Variants in EPB41L4A observed in about 807,000 individuals in gnomAD.
The protein encoded by EPB41L4A is erythrocyte membrane protein band 4.1 like 4A, also known as band 4.1-like protein 4A.
Under a neutral mutation model 108.6 loss-of-function variants are expected in EPB41L4A, and 100 were observed. The ratio of observed to expected loss-of-function variants is 0.92; its 90% CI spans 0.78 to 1.09. The LOEUF (loss-of-function observed/expected upper bound fraction) is 1.09. Among genes scored for constraint, EPB41L4A ranks in the 50% least tolerant of loss-of-function variants. EPB41L4A has a pLI of 0.00. For missense variants in EPB41L4A, 1,030 were observed against 842.7 expected (o/e 1.22, Z -2.75); for synonymous variants, 319 against 289.0 (o/e 1.10, Z -1.05).
intron 1 of EPB41L4A, among the ~76,000 whole-genome samples, chr5:112,395,724 G>A (rs543903803): frequency 5.3e-5 from 8 of 152,172 alleles, no homozygotes; most frequent in Non-Finnish European, 1.0e-4. Context: ...AATACCATTT[G>A]ACCCAGTGAT....
At chr5:112,225,035 G>T (rs1027365359) in intron 12 of EPB41L4A, among the ~76,000 whole-genome samples, 2 of 152,336 alleles carry the variant, frequency 1.3e-5, no homozygotes, top group Non-Finnish European at 2.9e-5. Context: ...CCGGATAGAT[G>T]TGAGAGCTAT....
At chr5:112,372,907 G>C (rs1759582637) in intron 1 of EPB41L4A, among the ~76,000 whole-genome samples, 1 of 152,192 alleles carries the variant, frequency 6.6e-6, no homozygotes, top group Non-Finnish European at 1.5e-5. Flanking sequence ...GGGGTAGACA[G>C]ATATTTTGAA....
At chr5:112,386,387 T>G (rs1216911665) in intron 1 of EPB41L4A, among the ~76,000 whole-genome samples, 1 of 152,244 alleles carries the variant, frequency 6.6e-6, no homozygotes, top group Non-Finnish European at 1.5e-5. Context: ...AAATTAATAA[T>G]GTTGATTTCC....
chr5:112,339,581 TG>T (rs1167003260), intron 1 of EPB41L4A, among the ~76,000 whole-genome samples: 2 of 149,864 alleles, frequency 1.3e-5, no homozygotes, highest in Non-Finnish European at 3.0e-5. Context: ...TTGCCCAGGC[TG>T]GAGTACAGTG....
chr5:112,409,013 A>G (rs538789338), intron 1 of EPB41L4A, among the ~76,000 whole-genome samples: 3 of 152,308 alleles, frequency 2.0e-5, no homozygotes, highest in Non-Finnish European at 2.9e-5. Flanking sequence ...ACATACATCT[A>G]TACAAAAACT....
At chr5:112,312,289 A>T (rs991792895) in intron 1 of EPB41L4A, among the ~76,000 whole-genome samples, 2 of 152,200 alleles carry the variant, frequency 1.3e-5, no homozygotes, top group African/African-American at 4.8e-5. Flanking sequence ...TCATTCCCAA[A>T]CTACCAGAAC....
intron 1 of EPB41L4A, among the ~76,000 whole-genome samples, chr5:112,416,195 T>A (rs567807126): frequency 6.6e-6 from 1 of 152,264 alleles, no homozygotes; most frequent in South Asian, 2.1e-4. Flanking sequence ...CTTTTCTATT[T>A]GTAATTTGGT....
intron 2 of EPB41L4A, among the ~76,000 whole-genome samples, chr5:112,303,749 A>G (rs1754521652): frequency 1.3e-5 from 2 of 152,178 alleles, no homozygotes; most frequent in African/African-American, 4.8e-5. Context: ...TCGGGAAAAA[A>G]GCTGCATGGT....
At chr5:112,404,029 A>G (rs1561648437) in intron 1 of EPB41L4A, among the ~76,000 whole-genome samples, 1 of 152,238 alleles carries the variant, frequency 6.6e-6, no homozygotes, top group Non-Finnish European at 1.5e-5. Context: ...GCAATAAATC[A>G]GTTTTCTAAT....
At chr5:112,342,317 A>C (rs936285803) in intron 1 of EPB41L4A, among the ~76,000 whole-genome samples, 1 of 152,212 alleles carries the variant, frequency 6.6e-6, no homozygotes, top group African/African-American at 2.4e-5. Flanking sequence ...TGAATTACAG[A>C]AACATGAAAT....
Position 112,181,179 on chromosome 5 carries a change from T to C in EPB41L4A, c.1622+2837A>G, listed in dbSNP as rs7731728. Among the ~76,000 whole-genome samples, 734 of 152,166 alleles carry C rather than the reference T, an allele frequency of 4.8e-3. 10 individuals carry two copies. The highest frequency in any genetic ancestry group is 0.017 in the African/African-American group (713 of 41,508). On this transcript the variant is annotated intron_variant, in intron 18 of 22. Coordinates refer to ENST00000261486, the MANE Select transcript of EPB41L4A (RefSeq NM_022140.5). ...ATAAAATTAAACATGTGGCCGGGCG[T>C]GGTGGCTCATGCCTGTAACCCCAGC...
At chr5:112,327,590 A>G (rs1756258071) in intron 1 of EPB41L4A, among the ~76,000 whole-genome samples, 1 of 152,110 alleles carries the variant, frequency 6.6e-6, no homozygotes, top group South Asian at 2.1e-4. Flanking sequence ...GTGACATACA[A>G]CTGTAGCCCT....
intron 12 of EPB41L4A, among the ~76,000 whole-genome samples, chr5:112,229,122 C>G (rs1748681504): frequency 6.6e-6 from 1 of 152,202 alleles, no homozygotes; most frequent in South Asian, 2.1e-4. Context: ...AAAGTAAAAA[C>G]TCATTTAGTA....
At chr5:112,215,273 C>G (rs1747539118) in intron 12 of EPB41L4A, among the ~76,000 whole-genome samples, 1 of 152,214 alleles carries the variant, frequency 6.6e-6, no homozygotes, top group Admixed American at 6.5e-5. Context: ...AAAAGGCAGT[C>G]TTCTGCAGTA....
intron 17 of EPB41L4A, 80 bp downstream of exon 17, chr5:112,194,488 T>C: frequency 1.3e-6 from 1 of 789,890 alleles, no homozygotes; most frequent in East Asian, 2.9e-5. Context: ...AAAACAGACT[T>C]ACAAAGGACA....
Position 112,236,557 on chromosome 5 carries a change from G to A in EPB41L4A, c.966-1802C>T, listed in dbSNP as rs542557575. On this transcript the variant is annotated intron_variant, in intron 11 of 22. Transcript: ENST00000261486. ...CCTTGTAGCAGAAAGTAATTGACAA[G>A]TATGGAGATTTACAGTGTAAGGTGA... Among the ~76,000 whole-genome samples the A allele has an allele frequency of 7.2e-5, 11 of 152,336 alleles. No individual in the cohort carries two copies. The South Asian group carries it at 2.3e-3, about 32-fold the overall frequency.
chr5:112,168,165 ACT>A (rs750386717), intron 22 of EPB41L4A, among the ~76,000 whole-genome samples: 1 of 152,034 alleles, frequency 6.6e-6, no homozygotes, highest in Non-Finnish European at 1.5e-5. Context: ...GCGGTATGAA[ACT>A]CTTCCTGAAC....
At position 112,394,765 on chromosome 5, in the gene EPB41L4A, AAG is replaced by A. The variant is rs367863291; in HGVS notation, c.99+24174_99+24175del. Among the ~76,000 whole-genome samples the A allele has an allele frequency of 6.2e-4, 94 of 152,368 alleles. 1 individual carries two copies. In the East Asian group the frequency reaches 0.012, roughly 19 times the overall value. ...CTTTAAAGTTCATATGGAACCAAAA[AAG>A]AGCCCACATTGCCAAGACAATCCTA... On this transcript the variant is annotated intron_variant, in intron 1 of 22. Transcript: ENST00000261486.
At chr5:112,221,279 T>C (rs928733532) in intron 12 of EPB41L4A, among the ~76,000 whole-genome samples, 2 of 152,212 alleles carry the variant, frequency 1.3e-5, no homozygotes, top group African/African-American at 4.8e-5. Flanking sequence ...CACTTAGAAC[T>C]CTGTCAGTGC....
Sources: gnomAD v4.1 joint callset for allele counts (sites outside exome capture counted in the v4.1 genomes callset) on GRCh38, gnomAD v4.1.1 for gene constraint, MANE v1.5 for transcripts, NCBI Gene and HGNC (gene_info 2026-07-23, HGNC 2026-07-21) for gene names.